The following DCAF4 variants were observed in gnomAD, a reference collection of about 807,000 sequenced individuals.
DCAF4 encodes DDB1- and CUL4-associated factor 4.
A neutral mutation model predicts 60.9 loss-of-function variants in DCAF4; 37 were observed. The observed-to-expected ratio is 0.61, with a 90% CI of 0.47 to 0.80. The LOEUF (loss-of-function observed/expected upper bound fraction) is 0.80, where lower values mean the gene tolerates loss of function less well. Among genes scored for constraint, DCAF4 ranks in the 30% least tolerant of loss-of-function variants. The pLI is 0.00. For missense variants in DCAF4, 577 were observed against 650.0 expected (o/e 0.89, Z 1.22); for synonymous variants, 243 against 254.8 (o/e 0.95, Z 0.44).
chr14:72,952,992 C>CTTTTTTTTTTTTTT lies in DCAF4; in HGVS notation c.808+1127_808+1140dup, dbSNP rs34917327. ...ACAGGTGTGAGCCACAATGCCCGGC[C>CTTTTTTTTTTTTTT]TTTTTTTTTTTTTTTTTTTTTTTTT... On this transcript the variant is annotated intron_variant, in intron 9 of 13. Coordinates refer to ENST00000358377, the MANE Select transcript of DCAF4 (RefSeq NM_015604.4). Among the ~76,000 whole-genome samples, 7 of 41,604 alleles carry CTTTTTTTTTTTTTT rather than the reference C, an allele frequency of 1.7e-4. 1 individual carries two copies. Among genetic ancestry groups the CTTTTTTTTTTTTTT allele is most frequent in the Admixed American group, 3.7e-4 (1 of 2,670 alleles). The allele number at this position is 41,604 out of a possible 152,430, so 27.3% of individuals were successfully genotyped here.
In DCAF4 at chr14:72,954,155, C is replaced by G. The variant is rs1891952723; in HGVS notation, c.809-9C>G. 17 of 1,614,104 alleles carry G rather than the reference C, an allele frequency of 1.1e-5. No homozygotes were observed. The highest frequency in any genetic ancestry group is 1.4e-5 in the Non-Finnish European group (17 of 1,179,996). On this transcript the variant is annotated splice_polypyrimidine_tract_variant and intron_variant, in intron 9 of 13. Transcript: ENST00000358377. ...AGCCACACTTTACATTCTCCTATCCCCTTAGCAGGAATAGACCGGCCTGGC... is the reference window on the plus strand; with the variant it reads ...AGCCACACTTTACATTCTCCTATCCGCTTAGCAGGAATAGACCGGCCTGGC...
chr14:72,940,640 GAGTAC>G lies in DCAF4; in HGVS notation c.351+267_351+271del, dbSNP rs1379696316. 9.1e-4 allele frequency: 297 copies of G among 326,866 alleles called. 1 individual carries two copies. Among genetic ancestry groups the G allele is most frequent in the Non-Finnish European group, 9.5e-4 (171 of 180,318 alleles). 20.2% of individuals were successfully genotyped at this position (326,866 alleles called of 1,614,324 possible). A position where few individuals can be genotyped will look rare whatever the true frequency, so the allele number is the denominator to read the frequency against. On this transcript the variant is annotated intron_variant, in intron 4 of 13. Transcript: ENST00000358377. ...GAATCTCACTCTGTTGCCCAGGCTG[GAGTAC>G]AGTGGCATGATCTCAGCTCAGTGCA...
chr14:72,931,774 C>T (rs1213588645), intron 1 of DCAF4, among the ~76,000 whole-genome samples: 2 of 152,038 alleles, frequency 1.3e-5, no homozygotes, highest in Non-Finnish European at 2.9e-5. Flanking sequence ...TTCTGTGTAT[C>T]AATTGAGAAA....
intron 11 of DCAF4, 73 bp downstream of exon 11, chr14:72,954,556 T>C (rs1218234594): frequency 3.5e-6 from 3 of 863,954 alleles, no homozygotes; most frequent in Admixed American, 5.4e-5. Flanking sequence ...GAAATTGGAC[T>C]CCTCTGTGTG....
chr14:72,954,302 A>C lies in DCAF4; in HGVS notation c.907+40A>C, dbSNP rs753712853. ...CCAGGTGCCCAGAGAAGAGGCCTTA[A>C]CAGGCCTTAAAACCCCATGTAGTTG... On this transcript the variant is annotated intron_variant, in intron 10 of 13. Coordinates refer to ENST00000358377, the MANE Select transcript of DCAF4 (RefSeq NM_015604.4). 1.9e-6 allele frequency: 3 copies of C among 1,611,714 alleles called. No individual in the cohort carries two copies. In the East Asian group the frequency reaches 6.7e-5, roughly 36 times the overall value.
At position 72,942,976 on chromosome 14, in the gene DCAF4, C is replaced by CA. The variant is rs1444756688; in HGVS notation, c.432-17dup. The CA allele has an allele frequency of 3.3e-5, 54 of 1,612,696 alleles. No individual in the cohort carries two copies. The highest frequency in any genetic ancestry group is 4.5e-5 in the Non-Finnish European group (53 of 1,179,020). On this transcript the variant is annotated splice_polypyrimidine_tract_variant and intron_variant, in intron 5 of 13. Transcript: ENST00000358377. Reference sequence around the variant, plus strand: ...ATGTCAGCTTCAGCATCCATGCCCCCACCCTCTGTTTCTGCAGTTTAGCCC... The same window carrying CA: ...ATGTCAGCTTCAGCATCCATGCCCCCAACCCTCTGTTTCTGCAGTTTAGCCC...
Position 72,940,156 on chromosome 14 carries a change from C to T in DCAF4, c.194-64C>T, listed in dbSNP as rs1478630699. 4.4e-6 allele frequency: 7 copies of T among 1,594,768 alleles called. No homozygotes were observed. The East Asian group carries it at 6.7e-5, about 15-fold the overall frequency. ...CGAGGTGGGGGGACAGGCCACTGGG[C>T]GCCCAACTCAGGTGGTCAGTTCACA... is the stretch of plus-strand genomic sequence containing the variant. On this transcript the variant is annotated intron_variant, in intron 3 of 13. Coordinates refer to ENST00000358377, the MANE Select transcript of DCAF4 (RefSeq NM_015604.4).
At chr14:72,960,729 T>A, downstream of DCAF4, 1 of 1,042,044 alleles carries the variant, frequency 9.6e-7, no homozygotes. Flanking sequence ...TCCAGCCTCA[T>A]GATGGTTCCT....
chr14:72,945,936 G>T lies in DCAF4; in HGVS notation c.587G>T (p.Gly196Val). ...ACAGTGAACGATGTTAAAGTTGGAG[G>T]CTCCAAGTATGGTATCATCAACCTG... ...LFTVNDVKVG[G>V]SKYGIINLQS... The change falls in exon 7 of 14, where the codon GGC (glycine) becomes GTC (valine). Residue 196 changes from glycine (G) to valine (V), a missense_variant. By Grantham distance (109) the Gly-to-Val change is moderately radical. Coordinates refer to ENST00000358377, the MANE Select transcript of DCAF4 (RefSeq NM_015604.4). The T allele has an allele frequency of 6.2e-7, 1 of 1,614,148 alleles. No homozygotes were observed. The highest frequency in any genetic ancestry group is 8.5e-7 in the Non-Finnish European group (1 of 1,180,028).
chr14:72,942,200 T>C (rs1890126588), intron 5 of DCAF4: 1 of 208,522 alleles, frequency 4.8e-6, no homozygotes, highest in African/African-American at 2.3e-5. Context: ...TAAGTGGATG[T>C]GTGTGTACTA....
At chr14:72,953,761 ATAGTTT>A (rs34405281) in intron 9 of DCAF4, among the ~76,000 whole-genome samples, 543 of 52,848 alleles carry the variant, frequency 0.01, 100 homozygotes, top group African/African-American at 0.029. Context: ...ATATATATAT[ATAGTTT>A]ATTTATTTAT....
At chr14:72,933,142 C>T (rs72732496) in intron 1 of DCAF4, among the ~76,000 whole-genome samples, 40,938 of 152,132 alleles carry the variant, frequency 0.27, 5,955 homozygotes, top group Non-Finnish European at 0.31. Context: ...AGCAGCCTAC[C>T]CCTCCTTCTC....
rs1312648594 is a variant in DCAF4, at chr14:72,939,853, C to T, written c.144C>T (p.Asp48=). 7 of 1,612,734 alleles carry T rather than the reference C, an allele frequency of 4.3e-6. No homozygotes were observed. The highest frequency in any genetic ancestry group is 1.3e-5 in the African/African-American group (1 of 74,906). Residue 48 remains aspartate, a synonymous_variant, in exon 3 of 14, where the codon GAC becomes GAT. Transcript: ENST00000358377. ...QPAHDSGHGD[D]ESPSTSSGTA... is the part of the protein sequence containing the mutation. ...CTCACGATTCCGGCCACGGTGATGA[C>T]GAGTCTCCGTCAACCTCGTCTGGCA...
intron 1 of DCAF4, among the ~76,000 whole-genome samples, chr14:72,933,887 C>T (rs1439612900): frequency 1.3e-5 from 2 of 152,186 alleles, no homozygotes; most frequent in African/African-American, 2.4e-5. Context: ...ATCCAGGCTC[C>T]GCTATCCCAA....
chr14:72,948,055 C>T (rs1385437733), intron 8 of DCAF4, among the ~76,000 whole-genome samples: 1 of 152,198 alleles, frequency 6.6e-6, no homozygotes, highest in Non-Finnish European at 1.5e-5. Context: ...GTGAGATTAA[C>T]ATTAGTTAAC....
intron 2 of DCAF4, among the ~76,000 whole-genome samples, 166 bp downstream of exon 2, chr14:72,938,236 G>A (rs185549551): frequency 9.9e-5 from 15 of 152,214 alleles, no homozygotes; most frequent in African/African-American, 3.4e-4. Context: ...CCTTCCTAAC[G>A]TGCTCCCAGG....
intron 1 of DCAF4, 54 bp downstream of exon 1, chr14:72,926,597 C>T (rs1887577816): frequency 6.6e-6 from 1 of 152,272 alleles, no homozygotes; most frequent in Non-Finnish European, 1.5e-5. Flanking sequence ...GGCTGCCGCG[C>T]TCCCGCTGCA....
At chr14:72,945,117 G>A (rs1469646102) in intron 6 of DCAF4, among the ~76,000 whole-genome samples, 1 of 151,894 alleles carries the variant, frequency 6.6e-6, no homozygotes, top group Non-Finnish European at 1.5e-5. Flanking sequence ...CCTGAGCGAG[G>A]CATGGTGCCT....
intron 13 of DCAF4, among the ~76,000 whole-genome samples, chr14:72,958,336 G>A (rs1000363284): frequency 5.9e-5 from 9 of 152,186 alleles, no homozygotes; most frequent in Non-Finnish European, 5.9e-5. Context: ...GCACTTGAAC[G>A]TTCCGTGACA....
Sources: allele counts gnomAD v4.1 joint callset (sites outside exome capture counted in the v4.1 genomes callset), GRCh38; gene constraint gnomAD v4.1.1; transcripts MANE v1.5; gene names NCBI Gene and HGNC (gene_info 2026-07-23, HGNC 2026-07-21).